Variants in MYO1H observed in about 807,000 individuals in gnomAD.
The protein encoded by MYO1H is myosin IH, also known as unconventional myosin-Ih.
In MYO1H, 118 loss-of-function variants were observed where a neutral mutation model predicts 149.3. The observed-to-expected ratio is 0.79, with a 90% CI of 0.68 to 0.92. MYO1H has a LOEUF of 0.92. Ranked by LOEUF, MYO1H falls within the 40% of genes least tolerant of loss-of-function variation. MYO1H has a pLI of 0.00. For synonymous variants in MYO1H, 447 were observed against 465.2 expected (o/e 0.96, Z 0.50); for missense variants, 1,212 against 1,280.7 (o/e 0.95, Z 0.82).
chr12:109,433,593 G>C (rs79791342), intron 20 of MYO1H, among the ~76,000 whole-genome samples: 28 of 152,164 alleles, frequency 1.8e-4, no homozygotes, highest in African/African-American at 6.3e-4. Flanking sequence ...TCTATTCCCC[G>C]ACAGCAGGGC....
intron 19 of MYO1H, among the ~76,000 whole-genome samples, chr12:109,427,901 AAAAAAAAAATATATATAT>A (rs1871428439): frequency 2.1e-5 from 1 of 46,750 alleles, no homozygotes; most frequent in African/African-American, 7.9e-5. Flanking sequence ...AAAAAAAAAA[AAAAAAAAAATATATATAT>A]ATATATATAT....
chr12:109,341,661 C>T, the MYO1H span, among the ~76,000 whole-genome samples: 1 of 152,134 alleles, frequency 6.6e-6, no homozygotes, highest in Non-Finnish European at 1.5e-5. Context: ...GCAGAGCATC[C>T]TCTGTGATGG....
intron 16 of MYO1H, among the ~76,000 whole-genome samples, chr12:109,421,675 G>A (rs1174783807): frequency 2.0e-5 from 3 of 152,086 alleles, no homozygotes; most frequent in African/African-American, 7.2e-5. Flanking sequence ...ATCTGAGGAC[G>A]AGGAAGCTGA....
the MYO1H span, among the ~76,000 whole-genome samples, chr12:109,318,732 GA>G: frequency 1.6e-3 from 246 of 151,806 alleles, no homozygotes; most frequent in African/African-American, 5.7e-3. Context: ...TCCCAGACCA[GA>G]AGCGACTGGG....
At chr12:109,432,251 G>A (rs894147652) in intron 19 of MYO1H, among the ~76,000 whole-genome samples, 2 of 151,860 alleles carry the variant, frequency 1.3e-5, no homozygotes, top group African/African-American at 2.4e-5. Flanking sequence ...TGATCCGCCC[G>A]CCTCGGCCTC....
At chr12:109,378,910 T>C (rs1364498355) in intron 1 of MYO1H, among the ~76,000 whole-genome samples, 1 of 152,220 alleles carries the variant, frequency 6.6e-6, no homozygotes, top group African/African-American at 2.4e-5. Flanking sequence ...TCAACAAATG[T>C]TGAAGAAAGT....
Position 109,401,079 on chromosome 12 carries a change from G to T in MYO1H, c.571-14G>T. On this transcript the variant is annotated splice_polypyrimidine_tract_variant and intron_variant, in intron 5 of 31. Transcript: ENST00000310903. ...GATTGTTGTCACTGCTGCAATTTTT[G>T]TTCTGTTTTGAAGGGCATTCCCGTA... 1 of 1,608,886 alleles carries T rather than the reference G, an allele frequency of 6.2e-7. No homozygotes were observed. Among genetic ancestry groups the T allele is most frequent in the Non-Finnish European group, 8.5e-7 (1 of 1,176,128 alleles).
At chr12:109,375,509 CT>C (rs1453101080) in intron 1 of MYO1H, among the ~76,000 whole-genome samples, 1 of 152,124 alleles carries the variant, frequency 6.6e-6, no homozygotes, top group African/African-American at 2.4e-5. Context: ...TTAGATTGAA[CT>C]GTTTGATTTT....
chr12:109,426,122 T>C, intron 18 of MYO1H, 71 bp downstream of exon 18: 1 of 1,049,976 alleles, frequency 9.5e-7, no homozygotes, highest in Non-Finnish European at 1.5e-6. Flanking sequence ...TGGCAGTGGG[T>C]TGGGATCCTA....
the MYO1H span, among the ~76,000 whole-genome samples, chr12:109,327,754 AAAAG>A: frequency 5.0e-4 from 75 of 150,708 alleles, no homozygotes; most frequent in East Asian, 7.9e-4. Flanking sequence ...AAAAAAAAAA[AAAAG>A]AAAGAAAAAA....
chr12:109,375,156 AT>A (rs71079553), intron 1 of MYO1H, among the ~76,000 whole-genome samples: 10,222 of 124,148 alleles, frequency 0.082, 290 homozygotes, highest in Middle Eastern at 0.16. Context: ...TGCCCGGCGG[AT>A]TTTTTTTTTT....
the MYO1H span, among the ~76,000 whole-genome samples, chr12:109,315,141 C>T: frequency 1.3e-5 from 2 of 152,102 alleles, no homozygotes; most frequent in Admixed American, 1.3e-4. Flanking sequence ...TTGTCTTCTG[C>T]CCTGAATCCA....
intron 20 of MYO1H, among the ~76,000 whole-genome samples, chr12:109,433,649 T>C (rs1222956800): frequency 6.6e-5 from 10 of 152,226 alleles, no homozygotes; most frequent in Non-Finnish European, 1.5e-4. Context: ...TCATGGGCTT[T>C]CCCTGCTGAC....
At chr12:109,406,591 A>C (rs188364676) in intron 8 of MYO1H, among the ~76,000 whole-genome samples, 198 bp from the exon 9 acceptor site, 2 of 151,800 alleles carry the variant, frequency 1.3e-5, no homozygotes, top group Non-Finnish European at 2.9e-5. Flanking sequence ...TGGAGGTTGC[A>C]GTGAGCTGAG....
chr12:109,398,937 C>A (rs187484218), intron 5 of MYO1H, among the ~76,000 whole-genome samples: 1 of 151,956 alleles, frequency 6.6e-6, no homozygotes, highest in African/African-American at 2.4e-5. Context: ...ATGGACAATG[C>A]GTAAGTGAAT....
chr12:109,388,821 C>A, exon 2 of MYO1H: 2 of 1,612,214 alleles, frequency 1.2e-6, no homozygotes, highest in South Asian at 1.1e-5. Context: ...CCTCCGCAAG[C>A]GTTTCAGCGA....
At chr12:109,359,246 G>A (rs2075434) in intron 1 of MYO1H, 42,231 of 151,834 alleles carry the variant, frequency 0.28, 6,235 homozygotes, top group Admixed American at 0.4. Context: ...GACCCTTCTT[G>A]ACGATATTCT....
At chr12:109,317,759 G>T in the MYO1H span, among the ~76,000 whole-genome samples, 2 of 152,136 alleles carry the variant, frequency 1.3e-5, no homozygotes, top group Non-Finnish European at 2.9e-5. Flanking sequence ...GACAGCGTTG[G>T]ACCAGCTGAG....
intron 5 of MYO1H, among the ~76,000 whole-genome samples, 199 bp from the exon 6 acceptor site, chr12:109,400,894 A>G (rs1252375563): frequency 6.6e-6 from 1 of 152,214 alleles, no homozygotes; most frequent in Non-Finnish European, 1.5e-5. Context: ...TCTTCATGAT[A>G]GTTTCTTGGG....
Sources: allele counts gnomAD v4.1 joint callset (sites outside exome capture counted in the v4.1 genomes callset), GRCh38; gene constraint gnomAD v4.1.1; transcripts MANE v1.5; gene names NCBI Gene and HGNC (gene_info 2026-07-23, HGNC 2026-07-21).